Variants in SRPK1 observed in about 807,000 individuals in gnomAD.
SRPK1 encodes SRSF protein kinase 1, also known as SFRS protein kinase 1.
A neutral mutation model predicts 89.5 loss-of-function variants in SRPK1; 52 were observed. The ratio of observed to expected loss-of-function variants is 0.58; its 90% CI spans 0.46 to 0.73. SRPK1 has a LOEUF of 0.73. Ranked by LOEUF, SRPK1 falls within the 30% of genes least tolerant of loss-of-function variation. The probability of loss-of-function intolerance (pLI) is 0.00; values close to 1 mark genes in which losing one functional copy is unlikely to be tolerated. For missense variants in SRPK1, 603 were observed against 780.6 expected (o/e 0.77, Z 2.71); for synonymous variants, 255 against 270.2 (o/e 0.94, Z 0.55).
In SRPK1 at chr6:35,874,285, T is replaced by C; in HGVS notation, c.533A>G (p.Lys178Arg). Residue 178 changes from lysine to arginine, a missense_variant, in exon 7 of 16, where the codon AAA (lysine) becomes AGA (arginine). Physicochemically the swap from Lys to Arg is conservative, Grantham distance 26. Coordinates refer to ENST00000373825, the MANE Select transcript of SRPK1 (RefSeq NM_003137.5). ...LGHHLLKWII[K>R]SNYQGLPLPC... Reference sequence around the variant, plus strand: ...CAGTGGAAGCCCCTGATAATTGGATTTGATGATCCACTTGAGCAGATGATG... The same window carrying C: ...CAGTGGAAGCCCCTGATAATTGGATCTGATGATCCACTTGAGCAGATGATG... 1.2e-6 allele frequency: 2 copies of C among 1,613,624 alleles called. No individual in the cohort carries two copies. Among genetic ancestry groups the C allele is most frequent in the South Asian group, 1.1e-5 (1 of 90,936 alleles).
chr6:35,910,133 G>A (rs527598506), intron 2 of SRPK1, among the ~76,000 whole-genome samples: 13 of 152,150 alleles, frequency 8.5e-5, no homozygotes, highest in South Asian at 8.3e-4. Context: ...ACAGGCATGC[G>A]CCACCGCACC....
intron 14 of SRPK1, among the ~76,000 whole-genome samples, chr6:35,839,605 T>C (rs2151077861): frequency 6.6e-6 from 1 of 150,830 alleles, no homozygotes; most frequent in South Asian, 2.1e-4. Flanking sequence ...GACCAACCAG[T>C]ACACACACCT....
chr6:35,859,223 G>A (rs986170230), intron 12 of SRPK1, among the ~76,000 whole-genome samples: 4 of 152,026 alleles, frequency 2.6e-5, no homozygotes, highest in Non-Finnish European at 4.4e-5. Context: ...AAAATAATAT[G>A]TAACACTGAA....
chr6:35,917,091 C>T (rs190825822), intron 2 of SRPK1, among the ~76,000 whole-genome samples: 20 of 143,674 alleles, frequency 1.4e-4, no homozygotes, highest in African/African-American at 5.3e-4. Flanking sequence ...CAAAAACAGA[C>T]ACACACTGTT....
chr6:35,862,027 C>T (rs1024478712), intron 12 of SRPK1, among the ~76,000 whole-genome samples: 16 of 152,144 alleles, frequency 1.1e-4, no homozygotes, highest in Admixed American at 5.9e-4. Flanking sequence ...GCCCTGCTAT[C>T]GGTGGCTGTA....
intron 2 of SRPK1, 115 bp downstream of exon 2, chr6:35,920,353 A>C: frequency 8.9e-7 from 1 of 1,119,456 alleles, no homozygotes; most frequent in Non-Finnish European, 1.4e-6. Context: ...CCCCGAGGCC[A>C]TGTGGCTGCA....
intron 10 of SRPK1, 45 bp downstream of exon 10, chr6:35,870,236 G>A (rs376152373): frequency 3.2e-4 from 499 of 1,535,406 alleles, no homozygotes; most frequent in African/African-American, 1.9e-3. Context: ...ATAAATTAAC[G>A]TTAAAGTGTG....
chr6:35,875,778 C>T (rs1770142781), intron 6 of SRPK1, among the ~76,000 whole-genome samples: 1 of 152,052 alleles, frequency 6.6e-6, no homozygotes, highest in Non-Finnish European at 1.5e-5. Context: ...AGGATTGTCA[C>T]AGTGTCAAAA....
chr6:35,912,116 T>C (rs79620519), intron 2 of SRPK1, among the ~76,000 whole-genome samples: 3,054 of 152,074 alleles, frequency 0.02, 102 homozygotes, highest in African/African-American at 0.069. Flanking sequence ...GGAGGACTGC[T>C]TGAGGCCAAG....
chr6:35,892,571 G>C (rs1356253190), intron 2 of SRPK1, among the ~76,000 whole-genome samples: 1 of 152,030 alleles, frequency 6.6e-6, no homozygotes, highest in Non-Finnish European at 1.5e-5. Context: ...ATAATCACTT[G>C]AACTCAGGAG....
At chr6:35,897,373 G>C (rs537615616) in intron 2 of SRPK1, among the ~76,000 whole-genome samples, 2 of 152,340 alleles carry the variant, frequency 1.3e-5, no homozygotes, top group East Asian at 1.9e-4. Flanking sequence ...ATAGCAGTAA[G>C]TATGCTGGAG....
chr6:35,880,278 A>G (rs1382588288), intron 6 of SRPK1, among the ~76,000 whole-genome samples: 3 of 152,154 alleles, frequency 2.0e-5, no homozygotes, highest in African/African-American at 4.8e-5. Context: ...TAGGCAGAAG[A>G]AAGAATCAGC....
chr6:35,920,876 G>C, intron 1 of SRPK1, 168 bp downstream of exon 1: 1 of 662,586 alleles, frequency 1.5e-6, no homozygotes, highest in Non-Finnish European at 2.3e-6. Flanking sequence ...ACTGAGGGGC[G>C]CGGACCCGCA....
chr6:35,874,382 A>T, intron 6 of SRPK1, 43 bp from the exon 7 acceptor site: 1 of 1,325,322 alleles, frequency 7.5e-7, no homozygotes. Flanking sequence ...CAAAAGAAGA[A>T]CACGGCAAGA....
At chr6:35,863,194 C>T (rs1241968038) in intron 12 of SRPK1, among the ~76,000 whole-genome samples, 4 of 151,684 alleles carry the variant, frequency 2.6e-5, no homozygotes, top group Admixed American at 2.0e-4. Flanking sequence ...CTAGGAAATA[C>T]AAAATACATT....
At chr6:35,856,216 CT>C (rs1769662887) in intron 13 of SRPK1, among the ~76,000 whole-genome samples, 1 of 152,170 alleles carries the variant, frequency 6.6e-6, no homozygotes, top group Non-Finnish European at 1.5e-5. Context: ...ATACTTGAAG[CT>C]TGGGTGAGCA....
rs2151075654 is a variant in SRPK1 at position 35,833,410 on chromosome 6, G to A, written c.*1894C>T. The A allele has an allele frequency of 6.6e-6, 1 of 152,502 alleles. No homozygotes were observed. Among genetic ancestry groups the A allele is most frequent in the Non-Finnish European group, 1.5e-5 (1 of 68,030 alleles). 9.4% of individuals were successfully genotyped at this position (152,502 alleles called of 1,614,324 possible). ...TTGTTATTTCACCTTAATATCACCA[G>A]AATTCCTGTAATTCCACAATTGTGA... On this transcript the variant is annotated 3_prime_UTR_variant, in exon 16 of 16. Transcript: ENST00000373825.
intron 2 of SRPK1, among the ~76,000 whole-genome samples, chr6:35,912,378 A>G (rs9470172): frequency 0.31 from 47,843 of 151,942 alleles, 7,766 homozygotes; most frequent in South Asian, 0.42. Flanking sequence ...TATTGAGGCA[A>G]GACCTTATAC....
chr6:35,879,304 C>T (rs534846270), intron 6 of SRPK1, among the ~76,000 whole-genome samples: 10 of 150,948 alleles, frequency 6.6e-5, no homozygotes, highest in African/African-American at 1.7e-4. Flanking sequence ...CCCAGCACTT[C>T]GGGAGGCTGA....
Sources: allele counts gnomAD v4.1 joint callset (sites outside exome capture counted in the v4.1 genomes callset), GRCh38; gene constraint gnomAD v4.1.1; transcripts MANE v1.5; gene names NCBI Gene and HGNC (gene_info 2026-07-23, HGNC 2026-07-21).